SH3RF2: variants seen among roughly 807,000 people sequenced by gnomAD.
The protein encoded by SH3RF2 is E3 ubiquitin-protein ligase SH3RF2.
In SH3RF2, 43 loss-of-function variants were observed where a neutral mutation model predicts 59.0. The observed-to-expected ratio is 0.73, with a 90% CI of 0.57 to 0.94. The LOEUF (loss-of-function observed/expected upper bound fraction) is 0.94, where lower values mean the gene tolerates loss of function less well. Ranked by LOEUF, SH3RF2 falls within the 40% of genes least tolerant of loss-of-function variation. The pLI is 0.00. For synonymous variants in SH3RF2, 391 were observed against 391.5 expected, an observed-to-expected ratio of 1.00 and a Z score of 0.01; for missense variants, 930 against 940.1, an observed-to-expected ratio of 0.99 and a Z score of 0.14.
intron 7 of SH3RF2, 123 bp downstream of exon 7, chr5:146,049,368 G>A: frequency 9.0e-7 from 1 of 1,116,150 alleles, no homozygotes; most frequent in Non-Finnish European, 1.3e-6. Flanking sequence ...AGCGCTTTTT[G>A]CTCTATAACC....
At chr5:146,001,488 C>G (rs980370171) in intron 3 of SH3RF2, among the ~76,000 whole-genome samples, 1 of 152,166 alleles carries the variant, frequency 6.6e-6, no homozygotes, top group Non-Finnish European at 1.5e-5. Flanking sequence ...AGCGAGACTC[C>G]TAAGGAAGGT....
rs559684127 is a variant in SH3RF2, at chr5:145,997,110, G to T, written c.379-2948G>T. The stretch of plus-strand genomic sequence containing the variant: ...AGGTAAACTCGTATCACGGGCATTT[G>T]TTGTGCAGGTTATTTCATCACCCAG... On this transcript the variant is annotated intron_variant, in intron 2 of 9. Transcript: ENST00000359120. The T allele has an allele frequency of 2.9e-5, 18 of 620,600 alleles. No homozygotes were observed. In the South Asian group the frequency reaches 3.1e-4, roughly 11 times the overall value. The allele number at this position is 620,600 out of a possible 1,614,324, so 38.4% of individuals were successfully genotyped here. A position where few individuals can be genotyped will look rare whatever the true frequency, so the allele number is the denominator to read the frequency against.
intron 2 of SH3RF2, among the ~76,000 whole-genome samples, chr5:145,983,078 G>A (rs1045041217): frequency 1.3e-4 from 20 of 152,178 alleles, no homozygotes; most frequent in African/African-American, 4.6e-4. Context: ...TCACTCTGGA[G>A]CAAGTGTGAA....
At chr5:146,009,840 A>C (rs144566729) in intron 4 of SH3RF2, among the ~76,000 whole-genome samples, 2 of 152,296 alleles carry the variant, frequency 1.3e-5, no homozygotes, top group African/African-American at 4.8e-5. Flanking sequence ...TTTATTCCTC[A>C]ACAAAAGCGA....
In SH3RF2 at chr5:145,953,859, T is replaced by C. The variant is rs535146871; in HGVS notation, c.378+15553T>C. 5.9e-5 allele frequency among the ~76,000 whole-genome samples: 9 copies of C among 152,330 alleles called. No homozygotes were observed. The South Asian group carries it at 1.9e-3, about 32-fold the overall frequency. ...TTTGCTAAGGACAATGGCCTTCAGC[T>C]CCATCCATGTTCCCTCAAAAGACAC... is the stretch of plus-strand genomic sequence containing the variant. On this transcript the variant is annotated intron_variant, in intron 2 of 9. Coordinates refer to ENST00000359120, the MANE Select transcript of SH3RF2 (RefSeq NM_152550.4).
chr5:146,038,101 A>G (rs964433328), intron 5 of SH3RF2, among the ~76,000 whole-genome samples: 2 of 152,256 alleles, frequency 1.3e-5, no homozygotes, highest in African/African-American at 2.4e-5. Context: ...CAATAGGTAC[A>G]GAAAATGTTT....
chr5:146,042,105 G>T (rs1283507376), intron 5 of SH3RF2, among the ~76,000 whole-genome samples: 2 of 152,112 alleles, frequency 1.3e-5, no homozygotes, highest in African/African-American at 2.4e-5. Flanking sequence ...CCAAGTTACC[G>T]CAAGGCAAGA....
At chr5:146,005,062 G>A (rs1760587969) in intron 4 of SH3RF2, among the ~76,000 whole-genome samples, 1 of 152,042 alleles carries the variant, frequency 6.6e-6, no homozygotes, top group Non-Finnish European at 1.5e-5. Flanking sequence ...ACTAGATGAT[G>A]AGATTCTAGA....
At chr5:145,950,720 C>T (rs1207964628) in intron 2 of SH3RF2, among the ~76,000 whole-genome samples, 2 of 152,134 alleles carry the variant, frequency 1.3e-5, no homozygotes, top group African/African-American at 4.8e-5. Flanking sequence ...GATTTTATCT[C>T]GAATATGACA....
chr5:146,057,954 CTCTCTCTCTCTCTCTATCTA>C (rs778939868), intron 8 of SH3RF2, among the ~76,000 whole-genome samples: 138 of 131,502 alleles, frequency 1.0e-3, no homozygotes, highest in East Asian at 9.5e-3. Flanking sequence ...CTCTCTCTCT[CTCTCTCTCTCTCTCTATCTA>C]TCTATCTATC....
At chr5:146,052,879 T>C (rs1028982135) in intron 7 of SH3RF2, among the ~76,000 whole-genome samples, 1 of 152,218 alleles carries the variant, frequency 6.6e-6, no homozygotes, top group African/African-American at 2.4e-5. Flanking sequence ...TTGGGCTACA[T>C]GTGCTAGGCC....
chr5:146,047,207 G>A (rs530100573), intron 5 of SH3RF2, among the ~76,000 whole-genome samples: 1 of 143,180 alleles, frequency 7.0e-6, no homozygotes, highest in African/African-American at 2.6e-5. Context: ...ATAAGAATAT[G>A]GGCTCAGAAC....
chr5:145,979,514 G>T (rs913081485), intron 2 of SH3RF2, among the ~76,000 whole-genome samples: 4 of 152,202 alleles, frequency 2.6e-5, no homozygotes, highest in Non-Finnish European at 4.4e-5. Context: ...AAGTAGTGGT[G>T]TGCTGGTAAA....
intron 9 of SH3RF2, among the ~76,000 whole-genome samples, chr5:146,077,593 A>T (rs1257149123): frequency 6.6e-6 from 1 of 152,162 alleles, no homozygotes; most frequent in Non-Finnish European, 1.5e-5. Context: ...TGTATTTTTT[A>T]AAAATAAGAA....
intron 2 of SH3RF2, among the ~76,000 whole-genome samples, chr5:145,946,533 A>G (rs979249446): frequency 6.6e-6 from 1 of 152,202 alleles, no homozygotes. Context: ...GGCACACTAT[A>G]TTAGGCATAA....
chr5:145,982,881 G>A (rs946597970), intron 2 of SH3RF2, among the ~76,000 whole-genome samples: 1 of 152,168 alleles, frequency 6.6e-6, no homozygotes, highest in African/African-American at 2.4e-5. Flanking sequence ...GAGGGAGAGG[G>A]TGGAGTGTAG....
chr5:145,943,885 T>A (rs997096078), intron 2 of SH3RF2, among the ~76,000 whole-genome samples: 3 of 152,142 alleles, frequency 2.0e-5, no homozygotes, highest in African/African-American at 7.2e-5. Context: ...ACCTAAGGGA[T>A]TAGCCAATAT....
chr5:145,976,600 T>C (rs1304425279), intron 2 of SH3RF2, among the ~76,000 whole-genome samples: 1 of 152,188 alleles, frequency 6.6e-6, no homozygotes, highest in Non-Finnish European at 1.5e-5. Context: ...AATCTAGTTC[T>C]AACTAGAAAA....
chr5:145,941,913 A>G (rs998098000), intron 2 of SH3RF2, among the ~76,000 whole-genome samples: 1 of 152,186 alleles, frequency 6.6e-6, no homozygotes, highest in Non-Finnish European at 1.5e-5. Flanking sequence ...TTGTTGTTGA[A>G]GTGACTCAAT....
Sources: gnomAD v4.1 joint callset for allele counts (sites outside exome capture counted in the v4.1 genomes callset) on GRCh38, gnomAD v4.1.1 for gene constraint, MANE v1.5 for transcripts, NCBI Gene and HGNC (gene_info 2026-07-23, HGNC 2026-07-21) for gene names.